BRINP1: variants seen among roughly 807,000 people sequenced by gnomAD.
BRINP1 encodes BMP/retinoic acid-inducible neural-specific protein 1.
BRINP1 carries 17 observed loss-of-function variants against 72.9 expected under a neutral mutation model. That is an observed-to-expected ratio of 0.23 (90% CI 0.16 to 0.35). The LOEUF (loss-of-function observed/expected upper bound fraction) is 0.35, where lower values mean the gene tolerates loss of function less well. Ranked by LOEUF, BRINP1 falls within the 10% of genes least tolerant of loss-of-function variation. The pLI, the probability that BRINP1 is intolerant of heterozygous loss-of-function variation, is 1.00. For synonymous variants in BRINP1, 418 were observed against 378.5 expected (o/e 1.10, Z -1.21); for missense variants, 850 against 1,001.6 (o/e 0.85, Z 2.04).
intron 2 of BRINP1, among the ~76,000 whole-genome samples, chr9:119,265,927 C>A (rs186084130): frequency 6.6e-6 from 1 of 152,170 alleles, no homozygotes; most frequent in Non-Finnish European, 1.5e-5. Flanking sequence ...CTGTTGTTCC[C>A]TTCTTTTCAA....
chr9:119,201,682 T>C (rs915175812), intron 7 of BRINP1, among the ~76,000 whole-genome samples: 1 of 152,172 alleles, frequency 6.6e-6, no homozygotes, highest in African/African-American at 2.4e-5. Context: ...TCTGGCTTCA[T>C]GAAACAATGT....
At chr9:119,227,975 T>C (rs749794134) in intron 5 of BRINP1, among the ~76,000 whole-genome samples, 2 of 151,992 alleles carry the variant, frequency 1.3e-5, no homozygotes, top group African/African-American at 4.8e-5. Flanking sequence ...TTTAAACATT[T>C]CTCCTACACT....
intron 3 of BRINP1, among the ~76,000 whole-genome samples, chr9:119,243,655 T>C (rs1830282186): frequency 6.6e-6 from 1 of 152,238 alleles, no homozygotes; most frequent in South Asian, 2.1e-4. Context: ...GTTGAACTAA[T>C]TTACGTTCCC....
At chr9:119,316,511 G>T (rs2118999511) in intron 1 of BRINP1, among the ~76,000 whole-genome samples, 1 of 152,224 alleles carries the variant, frequency 6.6e-6, no homozygotes, top group Admixed American at 6.5e-5. Context: ...CTCGTTAGGG[G>T]CTAATGCAGC....
chr9:119,221,778 C>T (rs958707813), intron 5 of BRINP1, among the ~76,000 whole-genome samples: 4 of 152,094 alleles, frequency 2.6e-5, no homozygotes, highest in African/African-American at 9.7e-5. Flanking sequence ...GAATTCAGCA[C>T]AATAAAATCA....
rs1345469056 is a variant in BRINP1 at position 119,248,434 on chromosome 9, C to G, written c.409+526G>C. ...TATCCAGCCCTCTTACCCTTGATCA[C>G]TCAAAAACTGACTGGCCCTGATGGG... On this transcript the variant is annotated intron_variant, in intron 3 of 7. Coordinates refer to ENST00000265922, the MANE Select transcript of BRINP1 (RefSeq NM_014618.3). Among the ~76,000 whole-genome samples the G allele has an allele frequency of 1.1e-4, 17 of 152,194 alleles. 1 individual carries two copies. The highest frequency in any genetic ancestry group is 2.1e-4 in the Non-Finnish European group (14 of 68,028).
At chr9:119,292,944 G>A (rs1312622666) in intron 2 of BRINP1, among the ~76,000 whole-genome samples, 3 of 152,180 alleles carry the variant, frequency 2.0e-5, no homozygotes, top group African/African-American at 7.2e-5. Context: ...GAAGATTACA[G>A]TGTATTTATT....
chr9:119,338,914 A>T (rs1008284688), intron 1 of BRINP1, among the ~76,000 whole-genome samples: 3 of 151,172 alleles, frequency 2.0e-5, no homozygotes, highest in Admixed American at 6.6e-5. Context: ...AAAAAACAAC[A>T]ACAAAAACAC....
intron 1 of BRINP1, among the ~76,000 whole-genome samples, chr9:119,341,942 A>G (rs1482749199): frequency 6.6e-6 from 1 of 151,860 alleles, no homozygotes; most frequent in South Asian, 2.1e-4. Flanking sequence ...TTTTTTTTGT[A>G]TCTTTAGTAG....
chr9:119,226,468 A>G (rs1291581527), intron 5 of BRINP1, among the ~76,000 whole-genome samples: 1 of 152,038 alleles, frequency 6.6e-6, no homozygotes, highest in African/African-American at 2.4e-5. Flanking sequence ...CATACCAAGA[A>G]GTAACTCCCT....
At chr9:119,228,717 A>G (rs1406388094) in intron 5 of BRINP1, among the ~76,000 whole-genome samples, 3 of 152,038 alleles carry the variant, frequency 2.0e-5, no homozygotes, top group African/African-American at 7.2e-5. Context: ...GAGTTGGAGG[A>G]AAGATAATCT....
intron 7 of BRINP1, among the ~76,000 whole-genome samples, chr9:119,175,443 C>T (rs1184097423): frequency 2.0e-5 from 3 of 151,866 alleles, no homozygotes; most frequent in African/African-American, 7.3e-5. Context: ...ATGGGTGCAG[C>T]AAACCACCAT....
At chr9:119,293,956 A>T (rs1398820731) in intron 2 of BRINP1, among the ~76,000 whole-genome samples, 4 of 152,160 alleles carry the variant, frequency 2.6e-5, no homozygotes, top group African/African-American at 4.8e-5. Flanking sequence ...TAATTCAAAT[A>T]AAAAAAGAAG....
chr9:119,319,071 G>C (rs1358642328), intron 1 of BRINP1, among the ~76,000 whole-genome samples: 4 of 152,124 alleles, frequency 2.6e-5, no homozygotes, highest in Non-Finnish European at 5.9e-5. Context: ...CACTGCACAA[G>C]ACAGCCCCCA....
intron 2 of BRINP1, among the ~76,000 whole-genome samples, chr9:119,275,018 C>T (rs914649): frequency 0.19 from 28,204 of 151,854 alleles, 3,077 homozygotes; most frequent in South Asian, 0.27. Flanking sequence ...ATTAAGAAAC[C>T]GAGGCTTAGA....
chr9:119,195,460 G>A (rs1484130846), intron 7 of BRINP1, among the ~76,000 whole-genome samples: 1 of 152,202 alleles, frequency 6.6e-6, no homozygotes, highest in African/African-American at 2.4e-5. Context: ...GAGGCCGACT[G>A]ATCCTCACTC....
intron 7 of BRINP1, among the ~76,000 whole-genome samples, chr9:119,180,478 CATGTGTGTGTGTGTGT>C (rs1163831159): frequency 1.0e-4 from 12 of 120,390 alleles, no homozygotes; most frequent in African/African-American, 3.3e-4. Context: ...TCTCTCTGTG[CATGTGTGTGTGTGTGT>C]GTGTGTGTGT....
intron 2 of BRINP1, among the ~76,000 whole-genome samples, chr9:119,285,137 C>A (rs1275570129): frequency 6.6e-6 from 1 of 150,966 alleles, no homozygotes; most frequent in African/African-American, 2.4e-5. Flanking sequence ...CAGCTCTGGG[C>A]TCCTGCTGCA....
rs141323542 is a variant in BRINP1, at chr9:119,175,519, A to AT, written c.1146-7296dup. On this transcript the variant is annotated intron_variant, in intron 7 of 7. Transcript: ENST00000265922. ...CATGTATCCCAAAACTTAGAGTATA[A>AT]TAAAAAAAAGGGGGGGTTATTTCCC... Among the ~76,000 whole-genome samples the AT allele has an allele frequency of 6.1e-3, 934 of 152,224 alleles. 13 individuals are homozygous for AT. Among genetic ancestry groups the AT allele is most frequent in the African/African-American group, 0.022 (899 of 41,522 alleles).
Sources: gnomAD v4.1 joint callset for allele counts (sites outside exome capture counted in the v4.1 genomes callset) on GRCh38, gnomAD v4.1.1 for gene constraint, MANE v1.5 for transcripts, NCBI Gene and HGNC (gene_info 2026-07-23, HGNC 2026-07-21) for gene names.